OCA2: variants seen among roughly 807,000 people sequenced by gnomAD.
The protein encoded by OCA2 is OCA2 melanosomal transmembrane protein, also known as P protein.
Under a neutral mutation model 100.2 loss-of-function variants are expected in OCA2, and 77 were observed. That is an observed-to-expected ratio of 0.77 (90% confidence interval 0.64 to 0.93). The LOEUF (loss-of-function observed/expected upper bound fraction) is 0.93. OCA2 is among the 40% of genes least tolerant of loss of function. The pLI is 0.00. For synonymous variants in OCA2, 432 were observed against 439.2 expected, an observed-to-expected ratio of 0.98 and a Z score of 0.21; for missense variants, 1,062 against 1,089.1, an observed-to-expected ratio of 0.98 and a Z score of 0.35.
intron 23 of OCA2, among the ~76,000 whole-genome samples, chr15:27,783,827 G>T (rs1001640203): frequency 6.6e-6 from 1 of 152,240 alleles, no homozygotes; most frequent in South Asian, 2.1e-4. Flanking sequence ...GTCAGCATGT[G>T]CTGTCAGAAA....
intron 14 of OCA2, among the ~76,000 whole-genome samples, chr15:27,979,506 C>A (rs1255539674): frequency 6.6e-6 from 1 of 151,922 alleles, no homozygotes; most frequent in Non-Finnish European, 1.5e-5. Context: ...TTCCTTTTGC[C>A]TTTTTTCTAA....
chr15:27,778,631 G>A (rs375783790), intron 23 of OCA2, among the ~76,000 whole-genome samples: 6 of 152,176 alleles, frequency 3.9e-5, no homozygotes, highest in African/African-American at 1.4e-4. Flanking sequence ...CAGAGGTCAA[G>A]GTGTAGCAGG....
At chr15:27,808,301 T>C (rs1224955508) in intron 23 of OCA2, among the ~76,000 whole-genome samples, 1 of 152,174 alleles carries the variant, frequency 6.6e-6, no homozygotes, top group African/African-American at 2.4e-5. Flanking sequence ...GCTGGGGAAG[T>C]GATGCTCGGG....
At chr15:28,094,332 T>A (rs933076756) in intron 1 of OCA2, among the ~76,000 whole-genome samples, 33 of 152,202 alleles carry the variant, frequency 2.2e-4, no homozygotes, top group African/African-American at 7.7e-4. Context: ...GCGCTTGACT[T>A]GCCTAGGGCA....
chr15:27,760,765 A>T (rs2030772726), intron 23 of OCA2, among the ~76,000 whole-genome samples: 1 of 152,118 alleles, frequency 6.6e-6, no homozygotes, highest in African/African-American at 2.4e-5. Context: ...ATATTAGAGA[A>T]TTTAAACTGG....
At chr15:28,066,765 C>T (rs151187274) in intron 2 of OCA2, among the ~76,000 whole-genome samples, 8 of 152,242 alleles carry the variant, frequency 5.3e-5, no homozygotes, top group South Asian at 2.1e-4. Flanking sequence ...AAACAGGAGA[C>T]ATTTGCCATC....
At chr15:27,962,276 A>T (rs971432814) in intron 15 of OCA2, among the ~76,000 whole-genome samples, 1 of 152,230 alleles carries the variant, frequency 6.6e-6, no homozygotes. Flanking sequence ...ATTCTGCCAT[A>T]TAAGTTTCAA....
intron 19 of OCA2, among the ~76,000 whole-genome samples, chr15:27,893,201 C>T (rs575553450): frequency 6.6e-6 from 1 of 152,214 alleles, no homozygotes; most frequent in Non-Finnish European, 1.5e-5. Context: ...GGACATTTAT[C>T]AGTTCCTGAA....
At chr15:27,731,527 T>C in the OCA2 span, among the ~76,000 whole-genome samples, 2 of 152,254 alleles carry the variant, frequency 1.3e-5, no homozygotes, top group Non-Finnish European at 2.9e-5. Flanking sequence ...AGGAAATGAA[T>C]ACATTGTGAT....
chr15:27,998,158 A>C (rs1224003918), intron 9 of OCA2, among the ~76,000 whole-genome samples: 2 of 136,544 alleles, frequency 1.5e-5, no homozygotes, highest in Non-Finnish European at 3.3e-5. Flanking sequence ...CATGTCTAAA[A>C]TACCAAAAAC....
rs142396570 is a variant in OCA2 at position 27,837,878 on chromosome 15, C to T, written c.2432+7081G>A. Among the ~76,000 whole-genome samples, 534 of 144,518 alleles carry T rather than the reference C, an allele frequency of 3.7e-3. 3 individuals are homozygous for T. The highest frequency in any genetic ancestry group is 0.013 in the African/African-American group (488 of 38,876). The allele number at this position is 144,518 out of a possible 152,430, so 94.8% of individuals were successfully genotyped here. A position where few individuals can be genotyped will look rare whatever the true frequency, so the allele number is the denominator to read the frequency against. On this transcript the variant is annotated intron_variant, in intron 23 of 23. Coordinates refer to ENST00000354638, the MANE Select transcript of OCA2 (RefSeq NM_000275.3). ...ACCAAAAATGAATGGAAATGCCCCA[C>T]GACTGAAAAAAAAAAAAAAAAGAAA...
chr15:27,803,999 TGTG>T (rs2033720317), intron 23 of OCA2, among the ~76,000 whole-genome samples: 1 of 152,242 alleles, frequency 6.6e-6, no homozygotes, highest in African/African-American at 2.4e-5. Context: ...GCTATTGGAT[TGTG>T]GTGACGGTTT....
the OCA2 span, among the ~76,000 whole-genome samples, chr15:27,726,258 A>G: frequency 6.6e-6 from 1 of 152,100 alleles, no homozygotes; most frequent in Non-Finnish European, 1.5e-5. Flanking sequence ...AGATCATGCC[A>G]CTACACTCTA....
Position 27,770,241 on chromosome 15 carries a change from G to A in OCA2, c.2433-14769C>T, listed in dbSNP as rs79318689. Among the ~76,000 whole-genome samples the A allele has an allele frequency of 1.1e-3, 170 of 152,332 alleles. 5 individuals are homozygous for A. In the East Asian group the frequency reaches 0.033, roughly 30 times the overall value. On this transcript the variant is annotated intron_variant, in intron 23 of 23. Coordinates refer to ENST00000354638, the MANE Select transcript of OCA2 (RefSeq NM_000275.3). Reference sequence around the variant, plus strand: ...GGAGGGAAGGGGCGTTCAGGGCGGGGGCTCCGCGGGGTCCGCAGGCCTCCT... The same window carrying A: ...GGAGGGAAGGGGCGTTCAGGGCGGGAGCTCCGCGGGGTCCGCAGGCCTCCT...
chr15:27,980,779 T>C (rs1201643579), intron 14 of OCA2, among the ~76,000 whole-genome samples: 1 of 152,232 alleles, frequency 6.6e-6, no homozygotes, highest in Non-Finnish European at 1.5e-5. Flanking sequence ...GCCTGTAACA[T>C]GTCTTTTTCT....
chr15:27,749,190 T>TA, the OCA2 span, among the ~76,000 whole-genome samples: 3 of 151,852 alleles, frequency 2.0e-5, no homozygotes, highest in Admixed American at 6.6e-5. Flanking sequence ...TGAAATTAAA[T>TA]AAAAAAAAGA....
chr15:27,988,775 G>A (rs959392268), intron 11 of OCA2, among the ~76,000 whole-genome samples: 3 of 152,084 alleles, frequency 2.0e-5, no homozygotes, highest in Non-Finnish European at 2.9e-5. Context: ...TACGTCTCAG[G>A]CCCGACACAA....
At chr15:28,041,008 G>T (rs191367256) in intron 2 of OCA2, among the ~76,000 whole-genome samples, 43 of 152,182 alleles carry the variant, frequency 2.8e-4, no homozygotes, top group African/African-American at 9.9e-4. Flanking sequence ...TATTCTATGA[G>T]GCCAGCATTA....
intron 23 of OCA2, among the ~76,000 whole-genome samples, chr15:27,791,534 T>C (rs1595415934): frequency 1.3e-5 from 2 of 152,006 alleles, no homozygotes; most frequent in South Asian, 4.2e-4. Context: ...CATAGAGGAG[T>C]GTTTTTCCAG....
Sources: gnomAD v4.1 joint callset for allele counts (sites outside exome capture counted in the v4.1 genomes callset) on GRCh38, gnomAD v4.1.1 for gene constraint, MANE v1.5 for transcripts, NCBI Gene and HGNC (gene_info 2026-07-23, HGNC 2026-07-21) for gene names.